KLHL24: variants seen among roughly 807,000 people sequenced by gnomAD.
The protein encoded by KLHL24 is kelch-like protein 24.
KLHL24 carries 29 observed loss-of-function variants against 53.4 expected under a neutral mutation model. The observed-to-expected ratio is 0.54, with a 90% CI of 0.40 to 0.74. The LOEUF is 0.74. KLHL24 is among the 30% of genes least tolerant of loss of function. KLHL24 has a pLI of 0.00. For missense variants in KLHL24, 504 were observed against 744.0 expected (o/e 0.68, Z 3.75); for synonymous variants, 222 against 253.7 (o/e 0.88, Z 1.19).
intron 1 of KLHL24, among the ~76,000 whole-genome samples, chr3:183,640,891 C>T (rs1024672435): frequency 2.5e-4 from 38 of 151,986 alleles, no homozygotes; most frequent in Non-Finnish European, 4.7e-4. Flanking sequence ...TGAGCCACCT[C>T]GGCCAGCCAG....
chr3:183,646,542 C>T (rs58411043), intron 2 of KLHL24, among the ~76,000 whole-genome samples: 2,399 of 151,942 alleles, frequency 0.016, 66 homozygotes, highest in African/African-American at 0.052. Context: ...AGAAAAGATC[C>T]TGTATAGCAT....
At chr3:183,640,577 C>T (rs1189785814) in intron 1 of KLHL24, among the ~76,000 whole-genome samples, 2 of 139,752 alleles carry the variant, frequency 1.4e-5, no homozygotes, top group Admixed American at 1.4e-4. Context: ...GTTACCTTTT[C>T]TTTTTTTTCT....
Position 183,665,053 on chromosome 3 carries a change from CT to C in KLHL24, c.1224+19del. On this transcript the variant is annotated intron_variant, in intron 5 of 7. Transcript: ENST00000242810. The stretch of plus-strand genomic sequence containing the variant: ...CTCCTTGGTAAAGTAAGAGAAACCA[CT>C]TTTTATTACTATTGCTGGTACCTTT... 2 of 1,279,066 alleles carry C rather than the reference CT, an allele frequency of 1.6e-6. No homozygotes were observed. The highest frequency in any genetic ancestry group is 2.3e-6 in the Non-Finnish European group (2 of 877,400). The allele number at this position is 1,279,066 out of a possible 1,614,324, so 79.2% of individuals were successfully genotyped here.
At chr3:183,640,089 G>GT (rs781673891) in intron 1 of KLHL24, among the ~76,000 whole-genome samples, 4 of 150,956 alleles carry the variant, frequency 2.6e-5, no homozygotes, top group Non-Finnish European at 4.4e-5. Flanking sequence ...ATCTATAGGT[G>GT]TTTTGATTAT....
At chr3:183,661,282 G>A (rs1400874170) in intron 3 of KLHL24, among the ~76,000 whole-genome samples, 2 of 151,860 alleles carry the variant, frequency 1.3e-5, no homozygotes, top group Admixed American at 1.3e-4. Context: ...GAGTGACATG[G>A]CATTCACTCT....
At chr3:183,637,698 G>A (rs1715559410) in intron 1 of KLHL24, among the ~76,000 whole-genome samples, 1 of 152,190 alleles carries the variant, frequency 6.6e-6, no homozygotes. Flanking sequence ...CTGGAGTGGA[G>A]TGGTCTCACT....
intron 3 of KLHL24, among the ~76,000 whole-genome samples, chr3:183,655,792 C>T (rs992913918): frequency 5.3e-5 from 8 of 151,706 alleles, no homozygotes; most frequent in East Asian, 1.9e-4. Context: ...CATGGTGGAG[C>T]GTGCCTGTAG....
At chr3:183,635,838 G>C (rs1369528644) in intron 1 of KLHL24, 45 bp downstream of exon 1, 1 of 152,490 alleles carries the variant, frequency 6.6e-6, no homozygotes, top group Admixed American at 6.5e-5. Context: ...CGGCGGTCCT[G>C]ACCACCGGGG....
chr3:183,637,048 C>A (rs957428982), intron 1 of KLHL24, among the ~76,000 whole-genome samples: 1 of 152,154 alleles, frequency 6.6e-6, no homozygotes, highest in Non-Finnish European at 1.5e-5. Flanking sequence ...GTTCTGTAAA[C>A]GTGTTTAGAT....
At chr3:183,648,913 G>A (rs1401315954) in intron 2 of KLHL24, among the ~76,000 whole-genome samples, 1 of 152,054 alleles carries the variant, frequency 6.6e-6, no homozygotes, top group Non-Finnish European at 1.5e-5. Flanking sequence ...TGAGGTAGCA[G>A]AATCCCTTGA....
chr3:183,671,454 CTG>C (rs1471631066), intron 6 of KLHL24, among the ~76,000 whole-genome samples: 1 of 152,116 alleles, frequency 6.6e-6, no homozygotes. Flanking sequence ...ATGAGACTAT[CTG>C]TGTAGAAGTT....
chr3:183,671,405 A>C (rs1721304990), intron 6 of KLHL24, among the ~76,000 whole-genome samples, 183 bp downstream of exon 6: 1 of 152,202 alleles, frequency 6.6e-6, no homozygotes, highest in Non-Finnish European at 1.5e-5. Flanking sequence ...TAGTATATCT[A>C]ACAATTTGCT....
rs762593837 is a variant in KLHL24 at position 183,683,390 on chromosome 3, T to C, written c.*4104T>C. On this transcript the variant is annotated 3_prime_UTR_variant, in exon 8 of 8. Coordinates refer to ENST00000242810, the MANE Select transcript of KLHL24 (RefSeq NM_017644.3). ...TTATTAGAATTTGTTGTGCATCTTA[T>C]TGAAAGCCAGGTTTACATCACCTCA... 6.6e-6 allele frequency: 1 copy of C among 152,616 alleles called. No individual in the cohort carries two copies. Among genetic ancestry groups the C allele is most frequent in the Admixed American group, 6.5e-5 (1 of 15,280 alleles). The allele number at this position is 152,616 out of a possible 1,614,324, so 9.5% of individuals were successfully genotyped here.
At chr3:183,639,200 CA>C (rs906839279) in intron 1 of KLHL24, among the ~76,000 whole-genome samples, 31 of 146,054 alleles carry the variant, frequency 2.1e-4, no homozygotes, top group East Asian at 4.0e-4. Context: ...AACTCCGTCT[CA>C]AAAAAAAAAG....
In KLHL24 at chr3:183,651,155, C is replaced by G. The variant is rs1343188960; in HGVS notation, c.799C>G (p.Gln267Glu). 6.2e-7 allele frequency: 1 copy of G among 1,614,038 alleles called. No homozygotes were observed. Among genetic ancestry groups the G allele is most frequent in the Non-Finnish European group, 8.5e-7 (1 of 1,179,976 alleles). The part of the protein sequence containing the change: ...LPLLHPNYFV[Q>E]TVEVDQLIQN... ...TCTGTTGCATCCCAACTACTTTGTT[C>G]AAACAGTTGAAGTGGACCAATTGAT... is the stretch of plus-strand genomic sequence containing the variant. The change falls in exon 3 of 8, where the codon CAA becomes GAA. Residue 267 changes from glutamine (Q) to glutamate (E), a missense_variant. Gln to Glu is a conservative substitution (Grantham distance 29, BLOSUM62 2). Transcript: ENST00000242810.
chr3:183,662,600 C>T (rs1217796008), intron 3 of KLHL24, among the ~76,000 whole-genome samples: 2 of 151,976 alleles, frequency 1.3e-5, no homozygotes, highest in African/African-American at 4.8e-5. Context: ...TTTGGTTATT[C>T]CTGTCTCTAT....
rs532622523 is a variant in KLHL24, at chr3:183,663,181, A to G, written c.921-277A>G. On this transcript the variant is annotated intron_variant, in intron 3 of 7. Transcript: ENST00000242810. The surrounding 1 kb of genome is among the most constrained non-coding windows in gnomAD (Gnocchi z 4.9). Reference sequence around the variant, plus strand: ...ATTGCCAGGATTCTGATTGGGTTAGATAGGATCTTTGGACTTTTTTACAAT... The same window carrying G: ...ATTGCCAGGATTCTGATTGGGTTAGGTAGGATCTTTGGACTTTTTTACAAT... Among the ~76,000 whole-genome samples the G allele has an allele frequency of 7.2e-5, 11 of 152,238 alleles. No homozygotes were observed. The South Asian group carries it at 1.0e-3, about 14-fold the overall frequency.
intron 6 of KLHL24, 49 bp downstream of exon 6, chr3:183,671,271 GA>G (rs747091890): frequency 6.5e-7 from 1 of 1,530,236 alleles, no homozygotes; most frequent in African/African-American, 1.4e-5. Context: ...TACAAGAAGG[GA>G]AATACAGAAG....
intron 3 of KLHL24, among the ~76,000 whole-genome samples, chr3:183,656,059 T>TTCTTTC (rs1553840739): frequency 1.5e-5 from 2 of 135,684 alleles, no homozygotes; most frequent in Non-Finnish European, 3.2e-5. Flanking sequence ...TTTTTTTTTT[T>TTCTTTC]TTTCTGAGAC....
Sources: gnomAD v4.1 joint callset for allele counts (sites outside exome capture counted in the v4.1 genomes callset) on GRCh38, gnomAD v4.1.1 for gene constraint, Gnocchi (gnomAD v3.1) non-coding constraint, MANE v1.5 for transcripts, NCBI Gene and HGNC (gene_info 2026-07-23, HGNC 2026-07-21) for gene names.